The following KDM4B variants were observed in gnomAD, a reference collection of about 807,000 sequenced individuals.
KDM4B encodes the protein lysine demethylase 4B, also known as lysine-specific demethylase 4B.
KDM4B carries 32 observed loss-of-function variants against 125.2 expected under a neutral mutation model. The observed-to-expected ratio is 0.26, with a 90% confidence interval of 0.19 to 0.34. The LOEUF (loss-of-function observed/expected upper bound fraction) is 0.34. Among genes scored for constraint, KDM4B ranks in the 10% least tolerant of loss-of-function variants. The pLI is 1.00. For synonymous variants in KDM4B, 721 were observed against 677.9 expected, an observed-to-expected ratio of 1.06 and a Z score of -0.99; for missense variants, 1,190 against 1,577.7, an observed-to-expected ratio of 0.75 and a Z score of 4.16.
Position 5,133,973 on chromosome 19 carries a change from G to C in KDM4B, c.1997G>C (p.Ser666Thr). The change falls in exon 14 of 23, where the codon AGC (serine) becomes ACC (threonine). Residue 666 changes from serine (S) to threonine (T), a missense_variant. By Grantham distance (58) the Ser-to-Thr change is moderately conservative. Coordinates refer to ENST00000159111, the MANE Select transcript of KDM4B (RefSeq NM_015015.3). ...LSLQWKNRAASFQAERKFNAA... is the reference protein window; with the variant it reads ...LSLQWKNRAATFQAERKFNAA... ...CTGCAGTGGAAGAACAGGGCGGCCA[G>C]CTTCCAGGCCGAGAGGAAGTTCAAC... 2 of 1,612,726 alleles carry C rather than the reference G, an allele frequency of 1.2e-6. No individual in the cohort carries two copies. The highest frequency in any genetic ancestry group is 1.7e-6 in the Non-Finnish European group (2 of 1,179,938).
chr19:5,131,736 G>C (rs1232708616), intron 12 of KDM4B, 151 bp from the exon 13 acceptor site: 3 of 956,188 alleles, frequency 3.1e-6, no homozygotes, highest in South Asian at 3.1e-5. Context: ...TGTACTTAGA[G>C]AACAGAGGAG....
chr19:5,140,969 G>A (rs533993736), intron 18 of KDM4B: 34 of 152,412 alleles, frequency 2.2e-4, no homozygotes, highest in African/African-American at 7.9e-4. Flanking sequence ...ACAGTGCCTG[G>A]TGTTGACATT....
intron 8 of KDM4B, 173 bp downstream of exon 8, chr19:5,077,643 C>T (rs1446470868): frequency 8.5e-6 from 5 of 588,128 alleles, no homozygotes; most frequent in Admixed American, 6.3e-5. Flanking sequence ...CCAGCTCTTC[C>T]ACGGGGAAGC....
rs1038650126 is a variant in KDM4B at position 5,152,117 on chromosome 19, G to C, written c.*606G>C. 1.4e-5 allele frequency: 2 copies of C among 147,336 alleles called. No homozygotes were observed. The highest frequency in any genetic ancestry group is 6.8e-5 in the Admixed American group (1 of 14,684). The allele number at this position is 147,336 out of a possible 1,614,324, so 9.1% of individuals were successfully genotyped here. On this transcript the variant is annotated 3_prime_UTR_variant, in exon 23 of 23. Transcript: ENST00000159111. The stretch of plus-strand genomic sequence containing the variant: ...AATTGGAGGGTGAGCCTCGGGGGGG[G>C]GGCAGGACGCCCCGGTTTCGGCACA...
In KDM4B at chr19:5,144,297, A is replaced by T; in HGVS notation, c.2786A>T (p.Asn929Ile). 4 of 1,592,952 alleles carry T rather than the reference A, an allele frequency of 2.5e-6. No individual in the cohort carries two copies. The highest frequency in any genetic ancestry group is 3.4e-6 in the Non-Finnish European group (4 of 1,170,350). ...VSLGQVVITK[N>I]RNGLYYRCRV... ...CTAGGCCAGGTGGTCATCACCAAGA[A>T]CCGCAACGGGCTGTACTACCGCTGT... The change falls in exon 20 of 23, where the codon AAC (asparagine) becomes ATC (isoleucine). Residue 929 changes from asparagine (N) to isoleucine (I), a missense_variant. Physicochemically the swap from Asn to Ile is moderately radical, Grantham distance 149. Transcript: ENST00000159111.
At chr19:5,132,053 G>A (rs569478037) in intron 13 of KDM4B, 46 bp downstream of exon 13, 118 of 1,527,282 alleles carry the variant, frequency 7.7e-5, no homozygotes, top group East Asian at 2.3e-4. Flanking sequence ...CCTGCTCCGC[G>A]CTCTGCTGCT....
intron 3 of KDM4B, among the ~76,000 whole-genome samples, chr19:5,036,622 A>G (rs2145641017): frequency 6.6e-6 from 1 of 152,328 alleles, no homozygotes; most frequent in East Asian, 1.9e-4. Context: ...CACTGTTGGC[A>G]TGTGGCCGGT....
intron 1 of KDM4B, among the ~76,000 whole-genome samples, chr19:4,996,019 C>T (rs936699582): frequency 2.0e-5 from 3 of 152,202 alleles, no homozygotes; most frequent in African/African-American, 4.8e-5. Context: ...TAGACAGTGT[C>T]TCGCTCTGTC....
intron 9 of KDM4B, among the ~76,000 whole-genome samples, chr19:5,086,207 G>A (rs1283203470): frequency 1.0e-4 from 10 of 95,496 alleles, no homozygotes; most frequent in African/African-American, 2.9e-4. Flanking sequence ...CCCCCACCCC[G>A]TTGTCCCCTT....
intron 13 of KDM4B, among the ~76,000 whole-genome samples, chr19:5,132,894 G>C (rs1383854759): frequency 6.6e-6 from 1 of 152,226 alleles, no homozygotes; most frequent in Non-Finnish European, 1.5e-5. Context: ...GGGCTCCGCT[G>C]GCGGTACTGT....
At chr19:5,145,042 A>G in intron 21 of KDM4B, 140 bp downstream of exon 21, 1 of 1,101,370 alleles carries the variant, frequency 9.1e-7, no homozygotes. Context: ...TGAGGCCCGC[A>G]GGACCCAGCT....
chr19:5,119,309 C>T (rs1286742660), intron 10 of KDM4B: 51 of 925,480 alleles, frequency 5.5e-5, no homozygotes, highest in Non-Finnish European at 6.6e-5. Context: ...GTCTCTGTCC[C>T]GTGGCACACG....
chr19:5,118,163 A>G (rs1435250588), intron 10 of KDM4B, among the ~76,000 whole-genome samples: 1 of 152,214 alleles, frequency 6.6e-6, no homozygotes, highest in Non-Finnish European at 1.5e-5. Context: ...CACCCCTGTC[A>G]GATGAGCCTG....
In KDM4B at chr19:5,122,082, G is replaced by A. The variant is rs151032912; in HGVS notation, c.1315+2230G>A. Among the ~76,000 whole-genome samples, 126 of 152,304 alleles carry A rather than the reference G, an allele frequency of 8.3e-4. No individual in the cohort carries two copies. The Middle Eastern group carries it at 0.01, about 12-fold the overall frequency. On this transcript the variant is annotated intron_variant, in intron 11 of 22. Coordinates refer to ENST00000159111, the MANE Select transcript of KDM4B (RefSeq NM_015015.3). ...AACAACACACGCTCCTTGTCTCACAGCTCTGGAGGCCACCAGTCTGACAGG... is the reference window on the plus strand; with the variant it reads ...AACAACACACGCTCCTTGTCTCACAACTCTGGAGGCCACCAGTCTGACAGG...
chr19:4,985,106 T>G (rs2034782850), intron 1 of KDM4B, among the ~76,000 whole-genome samples: 1 of 152,072 alleles, frequency 6.6e-6, no homozygotes, highest in Admixed American at 6.6e-5. Context: ...GCAGATCACC[T>G]TGAGGTCAGG....
chr19:5,119,015 G>T, intron 10 of KDM4B: 1 of 677,910 alleles, frequency 1.5e-6, no homozygotes, highest in South Asian at 1.7e-5. Flanking sequence ...GCTGCAGAGA[G>T]AGGACCCAGG....
At chr19:5,036,822 T>C (rs1252218198) in intron 3 of KDM4B, among the ~76,000 whole-genome samples, 2 of 152,246 alleles carry the variant, frequency 1.3e-5, no homozygotes, top group Non-Finnish European at 2.9e-5. Context: ...TTGTGGGATG[T>C]CACTTCTGTC....
intron 1 of KDM4B, among the ~76,000 whole-genome samples, chr19:4,992,634 G>T (rs769330388): frequency 6.6e-6 from 1 of 152,006 alleles, no homozygotes; most frequent in Non-Finnish European, 1.5e-5. Flanking sequence ...TAATTTTGTG[G>T]AGAGGAGGTC....
rs1308891994 is a variant in KDM4B, at chr19:5,144,536, G to A, written c.2901+124G>A. 7.8e-6 allele frequency: 8 copies of A among 1,023,718 alleles called. No homozygotes were observed. The South Asian group carries it at 9.9e-5, about 13-fold the overall frequency. 63.4% of individuals were successfully genotyped at this position (1,023,718 alleles called of 1,614,324 possible). ...GGAAGCTAGGAGTGGCCTGACTCCA[G>A]ATCCCTTCATGGGGTCCCCTTGTCC... On this transcript the variant is annotated intron_variant, in intron 20 of 22. Transcript: ENST00000159111.
Sources: gnomAD v4.1 joint callset for allele counts (sites outside exome capture counted in the v4.1 genomes callset) on GRCh38, gnomAD v4.1.1 for gene constraint, MANE v1.5 for transcripts, NCBI Gene and HGNC (gene_info 2026-07-23, HGNC 2026-07-21) for gene names.